The following FGF14 variants were observed in gnomAD, a reference collection of about 807,000 sequenced individuals.
FGF14 encodes the protein fibroblast growth factor homologous factor 4.
In FGF14, 5 loss-of-function variants were observed where a neutral mutation model predicts 25.5. The observed-to-expected ratio is 0.20, with a 90% CI of 0.10 to 0.41. The LOEUF (loss-of-function observed/expected upper bound fraction) is 0.41, where lower values mean the gene tolerates loss of function less well. Ranked by LOEUF, FGF14 falls within the 10% of genes least tolerant of loss-of-function variation. FGF14 has a pLI of 1.00. For missense variants in FGF14, 222 were observed against 320.1 expected (o/e 0.69, Z 2.34); for synonymous variants, 138 against 118.3 (o/e 1.17, Z -1.08).
At chr13:101,999,993 T>C (rs1413458783) in intron 1 of FGF14, among the ~76,000 whole-genome samples, 1 of 152,196 alleles carries the variant, frequency 6.6e-6, no homozygotes, top group Admixed American at 6.5e-5. Context: ...ATATAAAACC[T>C]ATATACTGAA....
chr13:102,161,238 GAA>G (rs1250283264), intron 1 of FGF14, among the ~76,000 whole-genome samples: 1 of 152,046 alleles, frequency 6.6e-6, no homozygotes, highest in Non-Finnish European at 1.5e-5. Context: ...TAAGGAGAAA[GAA>G]AGAGAGGAAA....
chr13:101,835,442 T>G (rs2042877432), intron 3 of FGF14, among the ~76,000 whole-genome samples: 1 of 152,142 alleles, frequency 6.6e-6, no homozygotes, highest in African/African-American at 2.4e-5. Context: ...TATGTTTATA[T>G]GCCGTTTGCA....
intron 3 of FGF14, among the ~76,000 whole-genome samples, chr13:101,843,789 G>A (rs73561297): frequency 0.014 from 2,143 of 152,028 alleles, 53 homozygotes; most frequent in African/African-American, 0.049. Flanking sequence ...ATTGTGGCTT[G>A]GGGAGACAGG....
intron 1 of FGF14, among the ~76,000 whole-genome samples, chr13:101,885,053 G>T (rs987110145): frequency 6.6e-6 from 1 of 152,096 alleles, no homozygotes; most frequent in Admixed American, 6.6e-5. Flanking sequence ...TTGCTTATTA[G>T]AGCAAAAGTT....
Position 101,713,296 on chromosome 13 carries a change from C to T in FGF14, c.*9535G>A, listed in dbSNP as rs189894043. On this transcript the variant is annotated 3_prime_UTR_variant, in exon 5 of 5. Transcript: ENST00000376143. Reference sequence around the variant, plus strand: ...ACTTTAATCACCCAGGCTGTTAACTCATTTTTAATCACTGTGTTTTAAAAG... The same window carrying T: ...ACTTTAATCACCCAGGCTGTTAACTTATTTTTAATCACTGTGTTTTAAAAG... 30 of 152,314 alleles carry T rather than the reference C, an allele frequency of 2.0e-4. No homozygotes were observed. Among genetic ancestry groups the T allele is most frequent in the Middle Eastern group, 3.4e-3 (1 of 294 alleles). 9.4% of individuals were successfully genotyped at this position (152,314 alleles called of 1,614,324 possible).
intron 1 of FGF14, among the ~76,000 whole-genome samples, chr13:101,898,530 G>T (rs1442170202): frequency 6.6e-6 from 1 of 151,936 alleles, no homozygotes; most frequent in Non-Finnish European, 1.5e-5. Flanking sequence ...AAAATTCAAA[G>T]AATTTACATA....
intron 1 of FGF14, among the ~76,000 whole-genome samples, chr13:102,210,342 T>C (rs2050106748): frequency 6.6e-6 from 1 of 152,118 alleles, no homozygotes. Context: ...GTATTTTAAA[T>C]GAATAGCAGT....
At chr13:102,070,779 G>A (rs2043120998) in intron 1 of FGF14, among the ~76,000 whole-genome samples, 1 of 152,182 alleles carries the variant, frequency 6.6e-6, no homozygotes, top group South Asian at 2.1e-4. Context: ...AATAAGGCAT[G>A]TTTTTTAAAA....
chr13:102,071,309 G>A (rs1470550166), intron 1 of FGF14, among the ~76,000 whole-genome samples: 1 of 152,106 alleles, frequency 6.6e-6, no homozygotes, highest in Admixed American at 6.5e-5. Context: ...AACTACCGAA[G>A]CCATTTTTTC....
chr13:102,169,967 A>G (rs6491669), intron 1 of FGF14, among the ~76,000 whole-genome samples: 71,463 of 151,964 alleles, frequency 0.47, 17,547 homozygotes, highest in East Asian at 0.91. Flanking sequence ...ACATTTGGCT[A>G]GTGGCTGTGG....
chr13:102,177,446 A>C (rs1266616858), intron 1 of FGF14, among the ~76,000 whole-genome samples: 3 of 152,182 alleles, frequency 2.0e-5, no homozygotes, highest in Non-Finnish European at 1.5e-5. Flanking sequence ...TTTTACTTAT[A>C]GAAAAACACT....
intron 1 of FGF14, among the ~76,000 whole-genome samples, chr13:102,203,880 T>G (rs1228835299): frequency 2.0e-5 from 3 of 152,210 alleles, no homozygotes; most frequent in Non-Finnish European, 4.4e-5. Flanking sequence ...TGGAAACAAC[T>G]GCTAATTAAA....
At chr13:101,856,090 G>A (rs2044113075) in intron 3 of FGF14, among the ~76,000 whole-genome samples, 1 of 151,374 alleles carries the variant, frequency 6.6e-6, no homozygotes, top group Admixed American at 6.6e-5. Context: ...AACTACATTA[G>A]GAAAATAGCT....
chr13:101,884,141 A>G (rs1213651259), intron 1 of FGF14, among the ~76,000 whole-genome samples: 2 of 151,094 alleles, frequency 1.3e-5, no homozygotes, highest in African/African-American at 2.4e-5. Context: ...GAGCAACACA[A>G]AAAGGAAATG....
intron 1 of FGF14, among the ~76,000 whole-genome samples, chr13:102,347,652 C>T (rs943602603): frequency 9.9e-5 from 15 of 152,212 alleles, no homozygotes; most frequent in Non-Finnish European, 1.0e-4. Context: ...GGCCATGAAA[C>T]ACACCTAACA....
rs568705246 is a variant in FGF14 at position 102,026,762 on chromosome 13, C to G, written c.209-151466G>C. On this transcript the variant is annotated intron_variant, in intron 1 of 4. Coordinates refer to the FGF14 transcript ENST00000376131. ...TATAAAGGTTCAGACTTTAATTTTC[C>G]CTTATTTTGCATGTTTTTTCTTACT... is the stretch of plus-strand genomic sequence containing the variant. Among the ~76,000 whole-genome samples, 6 of 151,904 alleles carry G rather than the reference C, an allele frequency of 3.9e-5. No homozygotes were observed. The South Asian group carries it at 1.0e-3, about 26-fold the overall frequency.
intron 3 of FGF14, among the ~76,000 whole-genome samples, chr13:101,766,054 A>G (rs1285761086): frequency 1.3e-5 from 2 of 152,138 alleles, no homozygotes; most frequent in South Asian, 2.1e-4. Flanking sequence ...AAACAAATCT[A>G]TGGAAATCAC....
In FGF14 at chr13:101,959,078, A is replaced by G. The variant is rs556260477; in HGVS notation, c.209-83782T>C. ...TAATGCAGCAGATGACTTCAGGATG[A>G]CTGTTTCACTGCAGATCATCAGGCA... On this transcript the variant is annotated intron_variant, in intron 1 of 4. Coordinates refer to the FGF14 transcript ENST00000376131. 3.3e-3 allele frequency among the ~76,000 whole-genome samples: 507 copies of G among 152,288 alleles called. 1 individual carries two copies. The highest frequency in any genetic ancestry group is 6.2e-3 in the Admixed American group (95 of 15,296).
rs146001121 is a variant in FGF14, at chr13:102,389,882, A to G, written c.208+11589T>C. Reference sequence around the variant, plus strand: ...TGATAAAATCCCCTGTCTCTGACCCAGGAGTCCCCTGTCTTCTGCCAGCAT... The same window carrying G: ...TGATAAAATCCCCTGTCTCTGACCCGGGAGTCCCCTGTCTTCTGCCAGCAT... On this transcript the variant is annotated intron_variant, in intron 1 of 4. Transcript: ENST00000376131. Among the ~76,000 whole-genome samples, 690 of 152,316 alleles carry G rather than the reference A, an allele frequency of 4.5e-3. 3 individuals carry two copies. Among genetic ancestry groups the G allele is most frequent in the African/African-American group, 0.016 (656 of 41,574 alleles).
Sources: gnomAD v4.1 joint callset for allele counts (sites outside exome capture counted in the v4.1 genomes callset) on GRCh38, gnomAD v4.1.1 for gene constraint, MANE v1.5 for transcripts, NCBI Gene and HGNC (gene_info 2026-07-23, HGNC 2026-07-21) for gene names.